The following CLYBL variants were observed in gnomAD, a reference collection of about 807,000 sequenced individuals.
The protein encoded by CLYBL is citramalyl-CoA lyase, mitochondrial.
CLYBL carries 31 observed loss-of-function variants against 38.9 expected under a neutral mutation model. The ratio of observed to expected loss-of-function variants is 0.80; its 90% CI spans 0.60 to 1.08. CLYBL has a LOEUF of 1.08. Among genes scored for constraint, CLYBL ranks in the 50% least tolerant of loss-of-function variants. The probability of loss-of-function intolerance (pLI) is 0.00; values close to 1 mark genes in which losing one functional copy is unlikely to be tolerated. For synonymous variants in CLYBL, 171 were observed against 158.6 expected (o/e 1.08, Z -0.59); for missense variants, 434 against 411.6 (o/e 1.05, Z -0.47).
chr13:99,757,451 T>G (rs1388806134), intron 1 of CLYBL, among the ~76,000 whole-genome samples: 1 of 152,134 alleles, frequency 6.6e-6, no homozygotes, highest in East Asian at 1.9e-4. Context: ...TTTTATTTTA[T>G]TTTTATTTAT....
At chr13:99,631,331 A>ATGTGTGTGTGTGTGTGTG (rs10643696) in intron 1 of CLYBL, among the ~76,000 whole-genome samples, 7 of 145,192 alleles carry the variant, frequency 4.8e-5, no homozygotes, top group African/African-American at 1.8e-4. Flanking sequence ...CCAAATATTT[A>ATGTGTGTGTGTGTGTGTG]TGTGTGTGTG....
At chr13:99,683,540 A>G (rs1299410538) in intron 1 of CLYBL, among the ~76,000 whole-genome samples, 2 of 151,968 alleles carry the variant, frequency 1.3e-5, no homozygotes, top group African/African-American at 4.8e-5. Flanking sequence ...TGTTAAAAGC[A>G]AAAACACAAA....
chr13:99,858,772 C>T, intron 2 of CLYBL, 89 bp from the exon 3 acceptor site: 1 of 869,502 alleles, frequency 1.2e-6, no homozygotes, highest in Non-Finnish European at 1.7e-6. Flanking sequence ...TGCTCAGACT[C>T]TGAATCCACA....
At chr13:99,891,594 T>C (rs2052491551) in intron 8 of CLYBL, 157 bp downstream of exon 8, 1 of 536,426 alleles carries the variant, frequency 1.9e-6, no homozygotes, top group Non-Finnish European at 3.3e-6. Flanking sequence ...CCTAAAAAAA[T>C]GAACGCTTTT....
Position 99,818,446 on chromosome 13 carries a change from A to AACACACACACACACAC in CLYBL, c.250-40392_250-40377dup, listed in dbSNP as rs57249330. On this transcript the variant is annotated intron_variant, in intron 2 of 8. Transcript: ENST00000339105. ...CCCCTGAAGATCACATGGAGCAGAA[A>AACACACACACACACAC]ACACACACACACACACACACACACA... is the stretch of plus-strand genomic sequence containing the variant. Among the ~76,000 whole-genome samples, 948 of 143,302 alleles carry AACACACACACACACAC rather than the reference A, an allele frequency of 6.6e-3. 5 individuals carry two copies. Among genetic ancestry groups the AACACACACACACACAC allele is most frequent in the East Asian group, 0.029 (141 of 4,848 alleles). The allele number at this position is 143,302 out of a possible 152,430, so 94.0% of individuals were successfully genotyped here.
chr13:99,667,593 T>C (rs1274621243), intron 1 of CLYBL, among the ~76,000 whole-genome samples: 1 of 152,196 alleles, frequency 6.6e-6, no homozygotes, highest in African/African-American at 2.4e-5. Context: ...TTTGGGTGTT[T>C]ACAGAGTACA....
chr13:99,899,936 A>T (rs898825331), downstream of CLYBL, among the ~76,000 whole-genome samples: 7 of 151,348 alleles, frequency 4.6e-5, no homozygotes, highest in Admixed American at 2.0e-4. Flanking sequence ...TTATTTATTT[A>T]TTTTTTTTGA....
At chr13:99,685,877 G>A (rs1393773613) in intron 1 of CLYBL, among the ~76,000 whole-genome samples, 3 of 152,240 alleles carry the variant, frequency 2.0e-5, no homozygotes, top group South Asian at 4.1e-4. Context: ...AACGAGAATC[G>A]CTTGAACCCG....
chr13:99,638,209 C>T (rs1480731753), intron 1 of CLYBL, among the ~76,000 whole-genome samples: 2 of 152,186 alleles, frequency 1.3e-5, no homozygotes, highest in African/African-American at 4.8e-5. Context: ...CCCCCTGCCT[C>T]AGCCTTCTGA....
intron 2 of CLYBL, among the ~76,000 whole-genome samples, chr13:99,848,588 G>A (rs898713479): frequency 1.3e-5 from 2 of 152,208 alleles, no homozygotes; most frequent in African/African-American, 4.8e-5. Context: ...CCAGATGAGT[G>A]ATTGTGTTTT....
At chr13:99,633,320 A>G (rs1397434872) in intron 1 of CLYBL, among the ~76,000 whole-genome samples, 1 of 151,578 alleles carries the variant, frequency 6.6e-6, no homozygotes, top group African/African-American at 2.4e-5. Context: ...TGGGCGGATC[A>G]CTTGAGGTCA....
In CLYBL at chr13:99,736,038, C is replaced by CTTT. The variant is rs767129851; in HGVS notation, c.63-36764_63-36762dup. Among the ~76,000 whole-genome samples, 637 of 76,200 alleles carry CTTT rather than the reference C, an allele frequency of 8.4e-3. 10 individuals are homozygous for CTTT. Among genetic ancestry groups the CTTT allele is most frequent in the East Asian group, 0.019 (43 of 2,270 alleles). The allele number at this position is 76,200 out of a possible 152,430, so 50.0% of individuals were successfully genotyped here. A position where few individuals can be genotyped will look rare whatever the true frequency, so the allele number is the denominator to read the frequency against. ...TTACTATATCCTATACGTTTCTTTT[C>CTTT]TTTTTTTTTTTTTTTTTTTTTTTTG... is the stretch of plus-strand genomic sequence containing the variant. On this transcript the variant is annotated intron_variant, in intron 1 of 8. Transcript: ENST00000339105.
rs2049068586 is a variant in CLYBL at position 99,756,702 on chromosome 13, A to G, written c.63-16122A>G. The stretch of plus-strand genomic sequence containing the variant: ...TTCCAGTGTTGCCCAGGGAAGCCAA[A>G]AGGTTAGACAGTCCTGGACTAAAGC... On this transcript the variant is annotated intron_variant, in intron 1 of 8. Transcript: ENST00000339105. Among the ~76,000 whole-genome samples, 28 of 152,090 alleles carry G rather than the reference A, an allele frequency of 1.8e-4. 1 individual carries two copies. The highest frequency in any genetic ancestry group is 1.8e-3 in the Admixed American group (28 of 15,278).
chr13:99,618,159 A>C (rs1390440412), intron 1 of CLYBL, among the ~76,000 whole-genome samples: 1 of 152,222 alleles, frequency 6.6e-6, no homozygotes, highest in Non-Finnish European at 1.5e-5. Context: ...CCTGATATAA[A>C]TTTGCAGAAG....
chr13:99,716,169 ATTTTTTTTTTTT>A (rs4001024), intron 1 of CLYBL, among the ~76,000 whole-genome samples: 44 of 33,464 alleles, frequency 1.3e-3, no homozygotes, highest in Non-Finnish European at 1.6e-3. Context: ...TATTGGTGTA[ATTTTTTTTTTTT>A]TTTTTTTTTT....
At chr13:99,641,648 C>CA (rs35893746) in intron 1 of CLYBL, among the ~76,000 whole-genome samples, 25,285 of 143,684 alleles carry the variant, frequency 0.18, 2,284 homozygotes, top group East Asian at 0.24. Flanking sequence ...ACTAAAAATA[C>CA]AAAAAAAAAA....
At chr13:99,831,120 G>A (rs1448346095) in intron 2 of CLYBL, among the ~76,000 whole-genome samples, 1 of 152,222 alleles carries the variant, frequency 6.6e-6, no homozygotes, top group African/African-American at 2.4e-5. Flanking sequence ...TGCAGGGACT[G>A]CCAGCAGCCA....
At chr13:99,819,808 G>C (rs919609515) in intron 2 of CLYBL, among the ~76,000 whole-genome samples, 1 of 151,954 alleles carries the variant, frequency 6.6e-6, no homozygotes, top group African/African-American at 2.4e-5. Flanking sequence ...TCAACAGATT[G>C]GATGATGCCT....
intron 2 of CLYBL, among the ~76,000 whole-genome samples, chr13:99,780,628 G>A (rs1042016695): frequency 6.6e-6 from 1 of 151,602 alleles, no homozygotes; most frequent in Non-Finnish European, 1.5e-5. Context: ...TGCCCGTCTC[G>A]GCCTCCCAAA....
Sources: allele counts gnomAD v4.1 joint callset (sites outside exome capture counted in the v4.1 genomes callset), GRCh38; gene constraint gnomAD v4.1.1; transcripts MANE v1.5; gene names NCBI Gene and HGNC (gene_info 2026-07-23, HGNC 2026-07-21).